The following KAZN variants were observed in gnomAD, a reference collection of about 807,000 sequenced individuals.
KAZN encodes the protein kazrin.
KAZN carries 40 observed loss-of-function variants against 87.4 expected under a neutral mutation model. The ratio of observed to expected loss-of-function variants is 0.46; its 90% CI spans 0.36 to 0.60. KAZN has a LOEUF of 0.60. Among genes scored for constraint, KAZN ranks in the 20% least tolerant of loss-of-function variants. The probability of loss-of-function intolerance (pLI) is 0.00; values close to 1 mark genes in which losing one functional copy is unlikely to be tolerated. For synonymous variants in KAZN, 466 were observed against 458.3 expected (o/e 1.02, Z -0.22); for missense variants, 898 against 1,073.9 (o/e 0.84, Z 2.29).
chr1:14,295,161 C>T (rs928754246), intron 2 of KAZN, among the ~76,000 whole-genome samples: 2 of 152,158 alleles, frequency 1.3e-5, no homozygotes, highest in African/African-American at 4.8e-5. Context: ...TTCCTTTGCT[C>T]TCAAGCCAAT....
At chr1:13,912,634 C>T (rs1307714219) in intron 1 of KAZN, among the ~76,000 whole-genome samples, 1 of 152,078 alleles carries the variant, frequency 6.6e-6, no homozygotes, top group East Asian at 1.9e-4. Flanking sequence ...GACAGGGTCT[C>T]ACTCTGTTGC....
At chr1:14,973,908 G>A (rs562517384) in intron 2 of KAZN, among the ~76,000 whole-genome samples, 22 of 152,138 alleles carry the variant, frequency 1.4e-4, no homozygotes, top group African/African-American at 4.8e-4. Context: ...AGCAACCACC[G>A]TTTTTCTTAC....
chr1:14,974,773 A>C (rs1333310099), intron 2 of KAZN, among the ~76,000 whole-genome samples: 1 of 152,236 alleles, frequency 6.6e-6, no homozygotes, highest in Non-Finnish European at 1.5e-5. Context: ...CTACAGGGAC[A>C]GAAAGCTCCT....
chr1:14,989,538 C>T (rs1198557210), intron 2 of KAZN, among the ~76,000 whole-genome samples: 1 of 152,180 alleles, frequency 6.6e-6, no homozygotes, highest in Non-Finnish European at 1.5e-5. Flanking sequence ...TTCTGTCGTC[C>T]TTGATGGAGG....
chr1:15,092,052 G>GTTTTTTTTTTTTTTTTTTTTTTTTT (rs1182724737), intron 8 of KAZN, among the ~76,000 whole-genome samples: 3 of 82,648 alleles, frequency 3.6e-5, no homozygotes, highest in African/African-American at 1.6e-4. Context: ...CAGAGGTTTT[G>GTTTTTTTTTTTTTTTTTTTTTTTTT]TTTTTTTGTT....
intron 3 of KAZN, among the ~76,000 whole-genome samples, chr1:15,039,630 T>A (rs1191048320): frequency 6.6e-6 from 1 of 152,248 alleles, no homozygotes; most frequent in Non-Finnish European, 1.5e-5. Context: ...TTTAATGGGG[T>A]ACATAGTGAT....
intron 1 of KAZN, among the ~76,000 whole-genome samples, chr1:14,872,867 G>A (rs551711446): frequency 1.1e-4 from 16 of 152,172 alleles, no homozygotes; most frequent in African/African-American, 3.9e-4. Context: ...TAGATGAATA[G>A]ATGGGTGGAT....
chr1:15,051,205 G>A (rs981857731), intron 4 of KAZN, among the ~76,000 whole-genome samples: 4 of 152,246 alleles, frequency 2.6e-5, no homozygotes, highest in Non-Finnish European at 5.9e-5. Context: ...AGAGGATTCG[G>A]TTTCTGGGCA....
chr1:14,622,689 C>CA (rs3087165), intron 1 of KAZN, among the ~76,000 whole-genome samples: 138 of 113,378 alleles, frequency 1.2e-3, no homozygotes, highest in Admixed American at 1.8e-3. Flanking sequence ...GACTCCATCT[C>CA]AAAAAAAAAA....
At chr1:14,777,087 G>T (rs893527774) in intron 1 of KAZN, among the ~76,000 whole-genome samples, 1 of 152,164 alleles carries the variant, frequency 6.6e-6, no homozygotes, top group Non-Finnish European at 1.5e-5. Flanking sequence ...TGCAAGTGCT[G>T]CCTCCCGGGT....
At chr1:14,632,231 A>C (rs1419686915) in intron 1 of KAZN, among the ~76,000 whole-genome samples, 1 of 152,208 alleles carries the variant, frequency 6.6e-6, no homozygotes, top group Non-Finnish European at 1.5e-5. Context: ...TAATTTTATC[A>C]GTCAAAACAT....
At chr1:14,950,599 G>A (rs776255867) in intron 1 of KAZN, among the ~76,000 whole-genome samples, 1 of 152,158 alleles carries the variant, frequency 6.6e-6, no homozygotes. Flanking sequence ...AGGACGCTGC[G>A]AGCTGAGTTT....
In KAZN at chr1:14,659,214, C is replaced by CA. The variant is rs377104614; in HGVS notation, c.226+59993dup. 6.0e-4 allele frequency among the ~76,000 whole-genome samples: 91 copies of CA among 151,998 alleles called. 1 individual carries two copies. The highest frequency in any genetic ancestry group is 2.1e-3 in the African/African-American group (87 of 41,424). On this transcript the variant is annotated intron_variant, in intron 1 of 14. Coordinates refer to ENST00000376030, the MANE Select transcript of KAZN (RefSeq NM_201628.3). ...CTGCACTCCAGCCTGTGTGACAGAT[C>CA]AAGACTCTTGTCTTAAAATAAAATA...
At chr1:14,300,806 T>A (rs1389184642) in intron 2 of KAZN, among the ~76,000 whole-genome samples, 2 of 152,164 alleles carry the variant, frequency 1.3e-5, no homozygotes, top group African/African-American at 2.4e-5. Flanking sequence ...ACAAATCAGT[T>A]TGGCGTATCA....
intron 2 of KAZN, among the ~76,000 whole-genome samples, chr1:14,402,405 G>A (rs1663493114): frequency 6.6e-6 from 1 of 151,686 alleles, no homozygotes; most frequent in Non-Finnish European, 1.5e-5. Flanking sequence ...TATGATCTAA[G>A]CTATCTAAAA....
chr1:15,070,796 G>A (rs1414596218), intron 8 of KAZN, among the ~76,000 whole-genome samples: 2 of 152,190 alleles, frequency 1.3e-5, no homozygotes, highest in South Asian at 2.1e-4. Context: ...AGCCGAGATC[G>A]AGCCACTGCA....
intron 2 of KAZN, among the ~76,000 whole-genome samples, chr1:14,533,066 A>T (rs2148483481): frequency 6.6e-6 from 1 of 152,316 alleles, no homozygotes; most frequent in Non-Finnish European, 1.5e-5. Flanking sequence ...ACAGAAAAAC[A>T]TGTGTTTTTA....
intron 1 of KAZN, among the ~76,000 whole-genome samples, chr1:13,946,598 C>T (rs10927965): frequency 0.14 from 21,130 of 152,074 alleles, 1,564 homozygotes; most frequent in Middle Eastern, 0.22. Context: ...TCCCCTGCTC[C>T]AGTACCTAGG....
intron 2 of KAZN, among the ~76,000 whole-genome samples, chr1:14,213,367 T>C (rs1646894992): frequency 6.6e-6 from 1 of 152,162 alleles, no homozygotes; most frequent in South Asian, 2.1e-4. Context: ...AGAAATATGA[T>C]GGAATATGCC....
Sources: allele counts gnomAD v4.1 joint callset (sites outside exome capture counted in the v4.1 genomes callset), GRCh38; gene constraint gnomAD v4.1.1; transcripts MANE v1.5; gene names NCBI Gene and HGNC (gene_info 2026-07-23, HGNC 2026-07-21).